ATP2C2: variants seen among roughly 807,000 people sequenced by gnomAD.
The protein encoded by ATP2C2 is calcium-transporting ATPase type 2C member 2.
ATP2C2 carries 171 observed loss-of-function variants against 110.8 expected under a neutral mutation model. The ratio of observed to expected loss-of-function variants is 1.54; its 90% CI spans 1.36 to 1.75. The LOEUF (loss-of-function observed/expected upper bound fraction) is 1.75. ATP2C2 is among the 40% of genes most tolerant of loss of function. The pLI, the probability that ATP2C2 is intolerant of heterozygous loss-of-function variation, is 0.00. For missense variants in ATP2C2, 1,963 were observed against 1,235.0 expected, an observed-to-expected ratio of 1.59 and a Z score of -8.84; for synonymous variants, 804 against 508.4, an observed-to-expected ratio of 1.58 and a Z score of -7.82.
chr16:84,394,192 A>G (rs1228777789), intron 1 of ATP2C2, among the ~76,000 whole-genome samples: 1 of 151,988 alleles, frequency 6.6e-6, no homozygotes, highest in Non-Finnish European at 1.5e-5. Context: ...TCAAAAACGA[A>G]AAACAAAATT....
chr16:84,398,848 G>T (rs892253739), intron 2 of ATP2C2, among the ~76,000 whole-genome samples: 9 of 152,336 alleles, frequency 5.9e-5, no homozygotes, highest in Middle Eastern at 3.4e-3. Flanking sequence ...GAGACACTCT[G>T]TGTACGCTGC....
At chr16:84,458,495 TA>T (rs10534660) in intron 21 of ATP2C2, among the ~76,000 whole-genome samples, 6,453 of 141,932 alleles carry the variant, frequency 0.045, 369 homozygotes, top group African/African-American at 0.14. Flanking sequence ...TAGAGTATAA[TA>T]AAAAAAAAAA....
Position 84,451,921 on chromosome 16 carries a change from T to C in ATP2C2, c.1661T>C (p.Val554Ala). ...EKRMGSLGLR[V>A]LALASGPELG... is the part of the protein sequence containing the mutation. ...CTCCTTACTCCCCCTCTCTCCTCAG[T>C]GCTGGCCCTGGCTTCTGGGCCCGAG... The change falls in exon 18 of 27, where the codon GTG (valine) becomes GCG (alanine). Residue 554 changes from valine (V) to alanine (A), a missense_variant and splice_region_variant. By Grantham distance (64) the Val-to-Ala change is moderately conservative. Coordinates refer to ENST00000262429, the MANE Select transcript of ATP2C2 (RefSeq NM_014861.4). 6.2e-7 allele frequency: 1 copy of C among 1,613,824 alleles called. No individual in the cohort carries two copies. Among genetic ancestry groups the C allele is most frequent in the Non-Finnish European group, 8.5e-7 (1 of 1,179,924 alleles).
At chr16:84,408,337 C>T (rs1905959814) in intron 3 of ATP2C2, 68 bp from the exon 4 acceptor site, 2 of 1,466,614 alleles carry the variant, frequency 1.4e-6, no homozygotes, top group South Asian at 1.1e-5. Flanking sequence ...CAAACTTCTG[C>T]ACAGTAAGAA....
At chr16:84,459,642 A>G in intron 23 of ATP2C2, 2 of 1,444,738 alleles carry the variant, frequency 1.4e-6, no homozygotes, top group Non-Finnish European at 9.4e-7. Flanking sequence ...TCTCTGGGCA[A>G]CCTGCATGGC....
At chr16:84,370,600 G>T (rs2151391598) in intron 1 of ATP2C2, among the ~76,000 whole-genome samples, 1 of 151,932 alleles carries the variant, frequency 6.6e-6, no homozygotes, top group East Asian at 1.9e-4. Flanking sequence ...CCTCTCGTTG[G>T]AACTCCTTTC....
At chr16:84,382,629 C>T (rs1301070552) in intron 1 of ATP2C2, among the ~76,000 whole-genome samples, 2 of 152,160 alleles carry the variant, frequency 1.3e-5, no homozygotes, top group Admixed American at 1.3e-4. Flanking sequence ...TGTGGTGGCT[C>T]ACACCTGTAA....
chr16:84,408,569 T>C, intron 4 of ATP2C2, 75 bp downstream of exon 4: 3 of 1,218,412 alleles, frequency 2.5e-6, no homozygotes, highest in South Asian at 2.6e-5. Context: ...TTATTGTATA[T>C]AAAGAAAAAA....
At position 84,451,535 on chromosome 16, in the gene ATP2C2, G is replaced by GCCAC. The variant is rs554735690; in HGVS notation, c.1661-386_1661-385insCCAC. Among the ~76,000 whole-genome samples, 86 of 152,296 alleles carry GCCAC rather than the reference G, an allele frequency of 5.6e-4. 2 individuals are homozygous for GCCAC. In the South Asian group the frequency reaches 0.018, roughly 31 times the overall value. ...GCAGACCGAGGAGGATCTGGGCCAT[G>GCCAC]GTGGGGGCTGGCTAACAAAGGGCTG... On this transcript the variant is annotated intron_variant, in intron 17 of 26. Coordinates refer to ENST00000262429, the MANE Select transcript of ATP2C2 (RefSeq NM_014861.4).
chr16:84,440,973 C>A lies in ATP2C2; in HGVS notation c.1311+15C>A. On this transcript the variant is annotated intron_variant, in intron 14 of 26. Transcript: ENST00000262429. ...AGTTAGTGGAGGTAGGTGTCAAAAG[C>A]GCCATGAGGGAAATAGGCATTTACA... is the stretch of plus-strand genomic sequence containing the variant. The A allele has an allele frequency of 6.3e-7, 1 of 1,590,970 alleles. No individual in the cohort carries two copies. Among genetic ancestry groups the A allele is most frequent in the Non-Finnish European group, 8.6e-7 (1 of 1,162,230 alleles).
Position 84,422,405 on chromosome 16 carries a change from G to C in ATP2C2, c.640G>C (p.Val214Leu). 6.2e-7 allele frequency: 1 copy of C among 1,614,078 alleles called. No homozygotes were observed. Among genetic ancestry groups the C allele is most frequent in the Non-Finnish European group, 8.5e-7 (1 of 1,179,988 alleles). Residue 214 changes from valine to leucine, a missense_variant, in exon 8 of 27, where the codon GTG becomes CTG. Val to Leu is a conservative substitution (Grantham distance 32). Coordinates refer to ENST00000262429, the MANE Select transcript of ATP2C2 (RefSeq NM_014861.4). ...GCTCTCCTAGGTCACGGACCTCTTGGTGGATGAATCCAGTTTCACCGGGGA... is the reference window on the plus strand; with the variant it reads ...GCTCTCCTAGGTCACGGACCTCTTGCTGGATGAATCCAGTTTCACCGGGGA... ...IRLTEVTDLL[V>L]DESSFTGEAE...
At chr16:84,463,101 T>G (rs1453712465) in intron 26 of ATP2C2, 1 of 159,004 alleles carries the variant, frequency 6.3e-6, no homozygotes, top group Non-Finnish European at 1.4e-5. Flanking sequence ...GGGTTGTGCT[T>G]GGGCAGCCCG....
rs200890678 is a variant in ATP2C2, at chr16:84,463,738, C to G, written c.*6C>G. The G allele has an allele frequency of 1.1e-5, 18 of 1,598,056 alleles. No homozygotes were observed. The South Asian group carries it at 1.7e-4, about 15-fold the overall frequency. On this transcript the variant is annotated 3_prime_UTR_variant, in exon 27 of 27. Coordinates refer to ENST00000262429, the MANE Select transcript of ATP2C2 (RefSeq NM_014861.4). ...TGCACCCTGAAGATGTGTAGTGGAC[C>G]GCACTCCGCGGCACCTTCCCTAATC...
chr16:84,458,631 A>C (rs1352585381), intron 21 of ATP2C2, among the ~76,000 whole-genome samples: 1 of 152,338 alleles, frequency 6.6e-6, no homozygotes, highest in East Asian at 1.9e-4. Context: ...CCCCAGGTCA[A>C]GGTTTAAAAG....
In ATP2C2 at chr16:84,440,865, A is replaced by AGT. The variant is rs1485742649; in HGVS notation, c.1219_1220dup (p.Gly408LeufsTer29). ...TCTGCCTCGCCCTGCAGGTCAGCGGAGTTGGGTATGACGGTCAAGGGACTG... is the reference window on the plus strand; with the variant it reads ...TCTGCCTCGCCCTGCAGGTCAGCGGAGTGTTGGGTATGACGGTCAAGGGACTG... On this transcript the variant is annotated frameshift_variant, in exon 14 of 27. Coordinates refer to ENST00000262429, the MANE Select transcript of ATP2C2 (RefSeq NM_014861.4). LOFTEE classifies it high-confidence loss of function. 1.9e-6 allele frequency: 3 copies of AGT among 1,612,942 alleles called. No individual in the cohort carries two copies. In the East Asian group the frequency reaches 6.7e-5, roughly 36 times the overall value.
chr16:84,401,170 G>A (rs1445833206), intron 2 of ATP2C2, among the ~76,000 whole-genome samples: 8 of 150,160 alleles, frequency 5.3e-5, no homozygotes, highest in African/African-American at 9.7e-5. Flanking sequence ...GAGTTTCCCC[G>A]ATGTTCTCTT....
rs2150582741 is a variant in ATP2C2 at position 84,451,970 on chromosome 16, T to A, written c.1710T>A (p.Gly570=). ...AGCTGGGGCGGCTGACGTTTCTCGG[T>A]CTTGTGGGCATCATTGACCCCCCGA... ...GPELGRLTFL[G]LVGIIDPPRV... is the part of the protein sequence containing the mutation. The change falls in exon 18 of 27, where the codon GGT becomes GGA. Residue 570 remains glycine, a synonymous_variant. Coordinates refer to ENST00000262429, the MANE Select transcript of ATP2C2 (RefSeq NM_014861.4). The A allele has an allele frequency of 6.2e-7, 1 of 1,613,036 alleles. No homozygotes were observed. The highest frequency in any genetic ancestry group is 1.6e-4 in the Middle Eastern group (1 of 6,062).
rs71151217 is a variant in ATP2C2 at position 84,444,162 on chromosome 16, C to CAAAAAAAAAAAAAA, written c.1401+1572_1401+1585dup. Among the ~76,000 whole-genome samples the CAAAAAAAAAAAAAA allele has an allele frequency of 5.5e-4, 57 of 104,556 alleles. 1 individual carries two copies. The highest frequency in any genetic ancestry group is 8.1e-4 in the Non-Finnish European group (43 of 52,780). The allele number at this position is 104,556 out of a possible 152,430, so 68.6% of individuals were successfully genotyped here. ...AGTCTAGATGAGAGAGATCCTGCCT[C>CAAAAAAAAAAAAAA]AAAAAAAAAAAAAAAAAAAAAACAA... On this transcript the variant is annotated intron_variant, in intron 15 of 26. Coordinates refer to ENST00000262429, the MANE Select transcript of ATP2C2 (RefSeq NM_014861.4).
In ATP2C2 at chr16:84,463,852, G is replaced by C. The variant is rs1911653881; in HGVS notation, c.*120G>C. The C allele has an allele frequency of 1.1e-6, 1 of 907,846 alleles. No individual in the cohort carries two copies. Among genetic ancestry groups the C allele is most frequent in the East Asian group, 2.4e-5 (1 of 40,934 alleles). 56.2% of individuals were successfully genotyped at this position (907,846 alleles called of 1,614,324 possible). On this transcript the variant is annotated 3_prime_UTR_variant, in exon 27 of 27. Coordinates refer to ENST00000262429, the MANE Select transcript of ATP2C2 (RefSeq NM_014861.4). The stretch of plus-strand genomic sequence containing the variant: ...GCCGCAGCCTTCCATCACCGGATCA[G>C]TTTTTCCTCTTAGGAAAGCTGCAGG...
Sources: allele counts gnomAD v4.1 joint callset (sites outside exome capture counted in the v4.1 genomes callset), GRCh38; gene constraint gnomAD v4.1.1; transcripts MANE v1.5; gene names NCBI Gene and HGNC (gene_info 2026-07-23, HGNC 2026-07-21).